The following PSMA5 variants were observed in gnomAD, a reference collection of about 807,000 sequenced individuals.
PSMA5 encodes proteasome 20S subunit alpha 5.
Under a neutral mutation model 34.5 loss-of-function variants are expected in PSMA5, and 3 were observed. The observed-to-expected ratio is 0.09, with a 90% CI of 0.04 to 0.22. PSMA5 has a LOEUF of 0.22. Among genes scored for constraint, PSMA5 ranks in the 10% least tolerant of loss-of-function variants. The pLI is 1.00. For synonymous variants in PSMA5, 88 were observed against 95.8 expected (o/e 0.92, Z 0.47); for missense variants, 120 against 286.1 (o/e 0.42, Z 4.19).
chr1:109,425,088 T>C (rs1654600775), intron 1 of PSMA5, among the ~76,000 whole-genome samples: 1 of 152,186 alleles, frequency 6.6e-6, no homozygotes, highest in Admixed American at 6.5e-5. Flanking sequence ...AAGAGTCTCC[T>C]ATATGCGAGC....
In PSMA5 at chr1:109,410,054, C is replaced by T. The variant is rs372631938; in HGVS notation, c.562-40G>A. The T allele has an allele frequency of 3.9e-6, 5 of 1,270,046 alleles. No individual in the cohort carries two copies. The African/African-American group carries it at 7.5e-5, about 19-fold the overall frequency. The allele number at this position is 1,270,046 out of a possible 1,614,324, so 78.7% of individuals were successfully genotyped here. On this transcript the variant is annotated intron_variant, in intron 7 of 8. Transcript: ENST00000271308. ...GGCAAGAAGATGCCTATTAATTATG[C>T]ACAATCCGTCCTTCCTTCAAAGATT...
At chr1:109,426,214 C>T in intron 1 of PSMA5, 88 bp downstream of exon 1, 1 of 1,555,840 alleles carries the variant, frequency 6.4e-7, no homozygotes, top group Middle Eastern at 1.7e-4. Context: ...CTGGGGAGCC[C>T]CATGACACGG....
chr1:109,424,195 T>C (rs1438218671), intron 1 of PSMA5, among the ~76,000 whole-genome samples: 2 of 152,246 alleles, frequency 1.3e-5, no homozygotes, highest in South Asian at 2.1e-4. Context: ...TCGTCTCATA[T>C]TGAATGCAAT....
chr1:109,409,469 T>C (rs960356653), intron 8 of PSMA5, among the ~76,000 whole-genome samples: 2 of 152,240 alleles, frequency 1.3e-5, no homozygotes, highest in Non-Finnish European at 2.9e-5. Flanking sequence ...ATTCTTTAAC[T>C]CACTGAATTC....
In PSMA5 at chr1:109,411,160, A is replaced by G. The variant is rs1337763378; in HGVS notation, c.459-47T>C. 5.2e-6 allele frequency: 7 copies of G among 1,339,768 alleles called. No individual in the cohort carries two copies. The African/African-American group carries it at 1.0e-4, about 19-fold the overall frequency. 83.0% of individuals were successfully genotyped at this position (1,339,768 alleles called of 1,614,324 possible). ...GACTAAAATGCTCAGGAGTGGTGGC[A>G]CTTTATGTAACAAACGTCTCACTAA... On this transcript the variant is annotated intron_variant, in intron 6 of 8. Coordinates refer to ENST00000271308, the MANE Select transcript of PSMA5 (RefSeq NM_002790.4).
intron 8 of PSMA5, among the ~76,000 whole-genome samples, chr1:109,403,202 TTC>T (rs928125588): frequency 4.6e-5 from 7 of 152,324 alleles, no homozygotes; most frequent in East Asian, 1.9e-4. Flanking sequence ...AGGTTTTCCA[TTC>T]TCTCTGTTGA....
chr1:109,424,824 T>G (rs1156740805), intron 1 of PSMA5, among the ~76,000 whole-genome samples: 1 of 152,080 alleles, frequency 6.6e-6, no homozygotes, highest in Non-Finnish European at 1.5e-5. Flanking sequence ...CTGTCTCTAC[T>G]AAAAATACAA....
chr1:109,419,818 A>C (rs12031245), intron 2 of PSMA5, among the ~76,000 whole-genome samples: 93,656 of 143,568 alleles, frequency 0.65, 32,667 homozygotes, highest in East Asian at 0.96. Context: ...AAAAAAAAAA[A>C]AAAAAACAAG....
At chr1:109,413,252 G>T (rs1654066621) in intron 3 of PSMA5, 117 bp from the exon 4 acceptor site, 3 of 857,214 alleles carry the variant, frequency 3.5e-6, no homozygotes, top group Non-Finnish European at 5.9e-6. Context: ...CTATCCCATG[G>T]CATTTTATAC....
At chr1:109,423,601 C>T (rs1042484261) in intron 1 of PSMA5, among the ~76,000 whole-genome samples, 2 of 152,174 alleles carry the variant, frequency 1.3e-5, no homozygotes, top group South Asian at 4.1e-4. Context: ...TCATCTCCTG[C>T]CATTCCAATT....
intron 2 of PSMA5, among the ~76,000 whole-genome samples, chr1:109,420,593 G>A (rs1654402834): frequency 6.6e-6 from 1 of 152,154 alleles, no homozygotes; most frequent in South Asian, 2.1e-4. Flanking sequence ...TATATAATCA[G>A]AAACCATTGC....
chr1:109,405,156 G>A (rs924564216), intron 8 of PSMA5, among the ~76,000 whole-genome samples: 1 of 152,212 alleles, frequency 6.6e-6, no homozygotes, highest in Non-Finnish European at 1.5e-5. Context: ...GAGACAGTAC[G>A]TTAAAGTGGT....
chr1:109,402,148 A>AC, intron 8 of PSMA5, 58 bp from the exon 9 acceptor site: 1 of 1,297,978 alleles, frequency 7.7e-7, no homozygotes, highest in African/African-American at 1.5e-5. Context: ...TGATGGCCCT[A>AC]CCATGGTCAG....
chr1:109,413,177 G>A (rs773621124), intron 3 of PSMA5, 42 bp from the exon 4 acceptor site: 5 of 1,575,196 alleles, frequency 3.2e-6, no homozygotes, highest in Non-Finnish European at 4.4e-6. Flanking sequence ...CCAAATCCTT[G>A]TAAAACTCTT....
At chr1:109,418,875 C>T (rs192558381) in intron 2 of PSMA5, among the ~76,000 whole-genome samples, 1 of 152,244 alleles carries the variant, frequency 6.6e-6, no homozygotes, top group East Asian at 1.9e-4. Context: ...TTATTTCTGG[C>T]CAAACACGGT....
At chr1:109,417,862 C>A (rs563471805) in intron 2 of PSMA5, among the ~76,000 whole-genome samples, 1 of 152,086 alleles carries the variant, frequency 6.6e-6, no homozygotes, top group Non-Finnish European at 1.5e-5. Context: ...AACAAAATTT[C>A]AGGAAAAAAA....
chr1:109,417,031 G>T (rs1307662183), intron 2 of PSMA5, among the ~76,000 whole-genome samples: 1 of 152,180 alleles, frequency 6.6e-6, no homozygotes, highest in Middle Eastern at 3.2e-3. Context: ...CTTGAGCCCG[G>T]GAGGCAGAGG....
intron 7 of PSMA5, 25 bp downstream of exon 7, chr1:109,410,982 TAGTA>T (rs1653964501): frequency 2.0e-6 from 3 of 1,481,958 alleles, no homozygotes; most frequent in Non-Finnish European, 2.8e-6. Context: ...GATAAAAAAA[TAGTA>T]AGAGTTGTGA....
In PSMA5 at chr1:109,411,915, T is replaced by C. The variant is rs1239680788; in HGVS notation, c.420A>G (p.Ala140=). 7 of 1,613,188 alleles carry C rather than the reference T, an allele frequency of 4.3e-6. No individual in the cohort carries two copies. Among genetic ancestry groups the C allele is most frequent in the Non-Finnish European group, 5.1e-6 (6 of 1,179,160 alleles). ...PGAMSRPFGV[A]LLFGGVDEKG... ...TCTCATCAACTCCTCCAAATAATAA[T>C]GCTACTCCAAAGGGACGAGACTAGA... Residue 140 remains alanine, a synonymous_variant, in exon 6 of 9, where the codon GCA becomes GCG. Transcript: ENST00000271308.
Sources: gnomAD v4.1 joint callset for allele counts (sites outside exome capture counted in the v4.1 genomes callset) on GRCh38, gnomAD v4.1.1 for gene constraint, MANE v1.5 for transcripts, NCBI Gene and HGNC (gene_info 2026-07-23, HGNC 2026-07-21) for gene names.